Variants in DNAH6 observed in about 807,000 individuals in gnomAD.
DNAH6 encodes the protein axonemal beta dynein heavy chain 6.
In DNAH6, 340 loss-of-function variants were observed where a neutral mutation model predicts 491.4. The observed-to-expected ratio is 0.69, with a 90% confidence interval of 0.63 to 0.76. The LOEUF (loss-of-function observed/expected upper bound fraction) is 0.76. DNAH6 is among the 30% of genes least tolerant of loss of function. DNAH6 has a pLI of 0.00. For synonymous variants in DNAH6, 1,603 were observed against 1,686.1 expected (o/e 0.95, Z 1.21); for missense variants, 4,443 against 4,972.2 (o/e 0.89, Z 3.20).
At chr2:84,505,514 G>A in the DNAH6 span, among the ~76,000 whole-genome samples, 5 of 152,062 alleles carry the variant, frequency 3.3e-5, no homozygotes, top group African/African-American at 9.6e-5. Flanking sequence ...GGTTGAAGAC[G>A]TTTTCTTCTA....
intron 42 of DNAH6, among the ~76,000 whole-genome samples, chr2:84,684,201 A>G (rs984134191): frequency 8.5e-5 from 13 of 152,214 alleles, no homozygotes; most frequent in African/African-American, 3.1e-4. Context: ...TCATGAACTC[A>G]ATTTTCCTAG....
chr2:84,552,897 C>T, intron 9 of DNAH6, 21 bp from the exon 10 acceptor site: 2 of 1,436,936 alleles, frequency 1.4e-6, no homozygotes, highest in Non-Finnish European at 9.7e-7. Context: ...CTTTATAACA[C>T]TGTACATATA....
chr2:84,753,755 T>TAAAAAAAAAAAAAAAAAAA (rs1162541312), intron 63 of DNAH6, among the ~76,000 whole-genome samples: 23 of 77,122 alleles, frequency 3.0e-4, no homozygotes, highest in South Asian at 5.0e-4. Context: ...GAAACTCTGT[T>TAAAAAAAAAAAAAAAAAAA]AAAAAAAAAA....
intron 11 of DNAH6, among the ~76,000 whole-genome samples, chr2:84,562,007 A>T (rs974448471): frequency 3.9e-5 from 6 of 152,170 alleles, no homozygotes; most frequent in Non-Finnish European, 5.9e-5. Context: ...TAAGCCTAAA[A>T]AAAGATAGAT....
the DNAH6 span, among the ~76,000 whole-genome samples, chr2:84,505,730 C>T: frequency 6.6e-6 from 1 of 152,110 alleles, no homozygotes; most frequent in African/African-American, 2.4e-5. Context: ...CACAACAGGC[C>T]CCGGTGTGTT....
chr2:84,796,529 G>A (rs754274), intron 69 of DNAH6, 104 bp downstream of exon 69: 17 of 965,780 alleles, frequency 1.8e-5, no homozygotes, highest in African/African-American at 1.5e-4. Context: ...TCTCCACAAC[G>A]CTGTTATAGC....
At chr2:84,656,929 T>C (rs1210903856) in intron 35 of DNAH6, among the ~76,000 whole-genome samples, 1 of 152,078 alleles carries the variant, frequency 6.6e-6, no homozygotes, top group Non-Finnish European at 1.5e-5. Context: ...CAAAGTCATG[T>C]AGATTTTCTC....
chr2:84,470,278 A>T, the DNAH6 span, among the ~76,000 whole-genome samples: 1 of 152,214 alleles, frequency 6.6e-6, no homozygotes, highest in Non-Finnish European at 1.5e-5. Context: ...TCCAGACCCC[A>T]AGAGAGGGTT....
intron 35 of DNAH6, among the ~76,000 whole-genome samples, 169 bp downstream of exon 35, chr2:84,654,951 A>C (rs564916332): frequency 6.6e-6 from 1 of 150,902 alleles, no homozygotes; most frequent in Non-Finnish European, 1.5e-5. Flanking sequence ...ATGTTTATAT[A>C]CTCCCCAAAT....
Position 84,781,624 on chromosome 2 carries a change from A to G in DNAH6, c.10835A>G (p.Glu3612Gly). 6.4e-7 allele frequency: 1 copy of G among 1,551,952 alleles called. No individual in the cohort carries two copies. Among genetic ancestry groups the G allele is most frequent in the Non-Finnish European group, 8.7e-7 (1 of 1,146,954 alleles). ...HLAVSWMLAMEELIKTFTDPD... is the reference protein window; with the variant it reads ...HLAVSWMLAMGELIKTFTDPD... The stretch of plus-strand genomic sequence containing the variant: ...GCTGTTTCTTGGATGTTGGCAATGG[A>G]AGAGCTCATTAAAACCTTCACAGAT... Residue 3612 changes from glutamate to glycine, a missense_variant, in exon 65 of 77, where the codon GAA (glutamate) becomes GGA (glycine). Physicochemically the swap from Glu to Gly is moderately conservative, Grantham distance 98. Around this residue, in one of 3 missense-constraint regions of DNAH6, gnomAD observed 1,463 missense variants for 1,656.6 expected, o/e 0.88. Coordinates refer to ENST00000389394, the MANE Select transcript of DNAH6 (RefSeq NM_001370.2).
At chr2:84,624,424 C>A (rs1205700680) in intron 27 of DNAH6, 34 bp downstream of exon 27, 1 of 1,548,770 alleles carries the variant, frequency 6.5e-7, no homozygotes, top group African/African-American at 1.4e-5. Flanking sequence ...TTATATACTT[C>A]TTTCTGAAAT....
chr2:84,528,342 C>T (rs188477483), intron 3 of DNAH6, among the ~76,000 whole-genome samples: 1 of 152,204 alleles, frequency 6.6e-6, no homozygotes, highest in African/African-American at 2.4e-5. Context: ...TTGAGAAGCA[C>T]TGGTCTAAAA....
In DNAH6 at chr2:84,802,610, G is replaced by A. The variant is rs1679035804; in HGVS notation, c.11482-3055G>A. Reference sequence around the variant, plus strand: ...AGCCGCACAATAATCAGAGGAGCAGGGGGTGGGGGGACTTCAACACTCCAC... The same window carrying A: ...AGCCGCACAATAATCAGAGGAGCAGAGGGTGGGGGGACTTCAACACTCCAC... On this transcript the variant is annotated intron_variant, in intron 70 of 76. Transcript: ENST00000389394. 2.6e-5 allele frequency among the ~76,000 whole-genome samples: 4 copies of A among 151,976 alleles called. No individual in the cohort carries two copies. The South Asian group carries it at 8.3e-4, about 32-fold the overall frequency.
chr2:84,588,624 G>T (rs1460703), intron 15 of DNAH6, among the ~76,000 whole-genome samples: 1 of 152,070 alleles, frequency 6.6e-6, no homozygotes, highest in African/African-American at 2.4e-5. Flanking sequence ...TATCTCCATG[G>T]CACTTTATAT....
chr2:84,612,003 C>T, intron 22 of DNAH6, 149 bp downstream of exon 22: 1 of 606,512 alleles, frequency 1.6e-6, no homozygotes. Context: ...ACTAGGAATC[C>T]TTGCATTTGA....
intron 63 of DNAH6, among the ~76,000 whole-genome samples, chr2:84,755,275 C>A (rs1273581532): frequency 6.6e-6 from 1 of 152,214 alleles, no homozygotes; most frequent in Non-Finnish European, 1.5e-5. Context: ...TGCTCTCTTG[C>A]CCTCTCTTGC....
In DNAH6 at chr2:84,722,021, A is replaced by T. The variant is rs143866419; in HGVS notation, c.9793-604A>T. Among the ~76,000 whole-genome samples, 447 of 152,292 alleles carry T rather than the reference A, an allele frequency of 2.9e-3. 1 individual carries two copies. The highest frequency in any genetic ancestry group is 0.01 in the African/African-American group (426 of 41,558). ...GCCAGAGGGCTCCCCAGACCCACAA[A>T]CCCAAAATGCAGAAAACCAAAAGAC... is the stretch of plus-strand genomic sequence containing the variant. On this transcript the variant is annotated intron_variant, in intron 59 of 76. Coordinates refer to ENST00000389394, the MANE Select transcript of DNAH6 (RefSeq NM_001370.2).
At chr2:84,677,637 C>T (rs1319272731) in intron 41 of DNAH6, among the ~76,000 whole-genome samples, 2 of 152,192 alleles carry the variant, frequency 1.3e-5, no homozygotes, top group African/African-American at 4.8e-5. Context: ...GTACTCACTT[C>T]CCTAATAGGC....
intron 54 of DNAH6, among the ~76,000 whole-genome samples, chr2:84,708,899 C>G (rs1696783053): frequency 6.6e-6 from 1 of 152,184 alleles, no homozygotes; most frequent in Non-Finnish European, 1.5e-5. Flanking sequence ...AGACAGCTCT[C>G]TCTTCTGCAT....
Sources: gnomAD v4.1 joint callset for allele counts (sites outside exome capture counted in the v4.1 genomes callset) on GRCh38, gnomAD v4.1.1 for gene constraint, gnomAD v4.1.1 regional missense constraint, MANE v1.5 for transcripts, NCBI Gene and HGNC (gene_info 2026-07-23, HGNC 2026-07-21) for gene names.